The following SPAG17 variants were observed in gnomAD, a reference collection of about 807,000 sequenced individuals.
SPAG17 encodes sperm associated antigen 17.
A neutral mutation model predicts 273.6 loss-of-function variants in SPAG17; 169 were observed. That is an observed-to-expected ratio of 0.62 (90% CI 0.55 to 0.70). The LOEUF (loss-of-function observed/expected upper bound fraction) is 0.70, where lower values mean the gene tolerates loss of function less well. SPAG17 is among the 30% of genes least tolerant of loss of function. The pLI is 0.00. For synonymous variants in SPAG17, 825 were observed against 873.2 expected (o/e 0.94, Z 0.97); for missense variants, 2,557 against 2,627.8 (o/e 0.97, Z 0.59).
chr1:118,096,530 A>C (rs185688444), intron 7 of SPAG17, among the ~76,000 whole-genome samples: 25 of 151,646 alleles, frequency 1.6e-4, no homozygotes, highest in African/African-American at 5.8e-4. Context: ...GGTATTCAAC[A>C]CTCCGAGGCC....
At chr1:118,034,352 T>C (rs376440230) in intron 24 of SPAG17, among the ~76,000 whole-genome samples, 3 of 152,226 alleles carry the variant, frequency 2.0e-5, no homozygotes, top group Non-Finnish European at 4.4e-5. Context: ...TACAGTCTAC[T>C]GTGGCTATAC....
At chr1:118,099,043 C>G (rs1655892357) in intron 6 of SPAG17, among the ~76,000 whole-genome samples, 1 of 152,112 alleles carries the variant, frequency 6.6e-6, no homozygotes, top group Non-Finnish European at 1.5e-5. Context: ...TGCTTCCCTT[C>G]AACAGAAGTC....
At chr1:118,079,956 A>C (rs1191661924) in intron 15 of SPAG17, among the ~76,000 whole-genome samples, 1 of 152,250 alleles carries the variant, frequency 6.6e-6, no homozygotes, top group Admixed American at 6.5e-5. Flanking sequence ...ATATGTTAAA[A>C]TAAACCTATA....
Position 118,031,812 on chromosome 1 carries a change from T to C in SPAG17, c.3489A>G (p.Pro1163=). ...CGGTCACTATAACAGGAACCACTGT[T>C]GGAGTGAGTGCTGAAGGGATATTCA... ...TILNIPSALT[P]TVVPVIVTVP... Residue 1163 remains proline (P), a synonymous_variant, in exon 25 of 49, where the codon CCA becomes CCG. Transcript: ENST00000336338. 1 of 1,613,786 alleles carries C rather than the reference T, an allele frequency of 6.2e-7. No individual in the cohort carries two copies. The highest frequency in any genetic ancestry group is 1.1e-5 in the South Asian group (1 of 91,052).
intron 34 of SPAG17, among the ~76,000 whole-genome samples, chr1:117,994,906 CA>C (rs1312908641): frequency 6.6e-6 from 1 of 152,058 alleles, no homozygotes; most frequent in East Asian, 1.9e-4. Flanking sequence ...CTGGTTTTGC[CA>C]CCTATATATA....
intron 48 of SPAG17, chr1:117,959,167 A>G (rs1400819641): frequency 7.3e-7 from 1 of 1,378,852 alleles, no homozygotes; most frequent in Non-Finnish European, 9.8e-7. Flanking sequence ...ACAAACAAGA[A>G]AAGTTCTTAA....
At position 118,005,655 on chromosome 1, in the gene SPAG17, T is replaced by C. The variant is rs1658803294; in HGVS notation, c.4588-53A>G. 9.9e-6 allele frequency: 13 copies of C among 1,315,456 alleles called. 1 individual carries two copies. In the Admixed American group the frequency reaches 4.1e-4, roughly 41 times the overall value. The allele number at this position is 1,315,456 out of a possible 1,614,324, so 81.5% of individuals were successfully genotyped here. On this transcript the variant is annotated intron_variant, in intron 31 of 48. Coordinates refer to ENST00000336338, the MANE Select transcript of SPAG17 (RefSeq NM_206996.4). ...TATTAAAATTTTCTTGTTAAATATG[T>C]GGGACTTGGAAAACCATTTTAGGAG...
chr1:118,111,923 G>A (rs1656785601), intron 4 of SPAG17, among the ~76,000 whole-genome samples: 1 of 152,016 alleles, frequency 6.6e-6, no homozygotes, highest in Admixed American at 6.6e-5. Flanking sequence ...GAAAAGATAT[G>A]CTTTCTAAAA....
rs138581446 is a variant in SPAG17 at position 118,086,680 on chromosome 1, G to C, written c.1602C>G (p.Tyr534Ter). 6.2e-7 allele frequency: 1 copy of C among 1,613,958 alleles called. No individual in the cohort carries two copies. Among genetic ancestry groups the C allele is most frequent in the East Asian group, 2.2e-5 (1 of 44,886 alleles). Residue 534 changes from tyrosine (Y) to a stop codon, truncating the protein, a stop_gained, in exon 12 of 49, where the codon TAC becomes TAG. Transcript: ENST00000336338. LOFTEE classifies it high-confidence loss of function. ...ACCTGATTATTATTACCTGTAGTGC[G>C]TACTTCTTGTGGGCGTGTGCATCAT... ...NYHDAHAHKK[Y>*]ALQDQKNFDP...
intron 22 of SPAG17, among the ~76,000 whole-genome samples, chr1:118,040,449 AC>A (rs1295358759): frequency 6.6e-6 from 1 of 151,822 alleles, no homozygotes; most frequent in Non-Finnish European, 1.5e-5. Context: ...TATTGCAGTT[AC>A]TATTACTATT....
At position 117,996,437 on chromosome 1, in the gene SPAG17, T is replaced by G. The variant is rs772162727; in HGVS notation, c.4986A>C (p.Glu1662Asp). The change falls in exon 34 of 49, where the codon GAA becomes GAC. Residue 1662 changes from glutamate (E) to aspartate (D), a missense_variant. Transcript: ENST00000336338. Reference sequence around the variant, plus strand: ...ATTCTTTATATGCCAAAGATAGATATTCTTCTATGTCACTGTCTCGAAGAA... The same window carrying G: ...ATTCTTTATATGCCAAAGATAGATAGTCTTCTATGTCACTGTCTCGAAGAA... ...MELLRDSDIE[E>D]YLSLAYKESN... The G allele has an allele frequency of 3.7e-6, 6 of 1,613,014 alleles. No homozygotes were observed. The highest frequency in any genetic ancestry group is 4.2e-6 in the Non-Finnish European group (5 of 1,179,430).
rs1659547196 is a variant in SPAG17 at position 118,012,211 on chromosome 1, C to G, written c.4432+17G>C. The G allele has an allele frequency of 3.1e-6, 5 of 1,607,818 alleles. No homozygotes were observed. The highest frequency in any genetic ancestry group is 2.6e-6 in the Non-Finnish European group (3 of 1,175,340). Reference sequence around the variant, plus strand: ...GAGTTATAAAATATTGTCATGTACTCAGAAAATAAAACATACTTGTTTCTT... The same window carrying G: ...GAGTTATAAAATATTGTCATGTACTGAGAAAATAAAACATACTTGTTTCTT... On this transcript the variant is annotated intron_variant, in intron 30 of 48. Transcript: ENST00000336338.
At chr1:117,999,121 T>C (rs1433972351) in intron 32 of SPAG17, among the ~76,000 whole-genome samples, 1 of 152,138 alleles carries the variant, frequency 6.6e-6, no homozygotes, top group Admixed American at 6.5e-5. Flanking sequence ...GAGAATGATG[T>C]TTCCAGTTTC....
rs112542201 is a variant in SPAG17, at chr1:118,086,000, G to C, written c.1684C>G (p.Gln562Glu). ...QSKLPLWEFL[Q>E]FPLPPPWNNT... is the part of the protein sequence containing the mutation. ...TTCCATGGTGGGGGTAGAGGGAATTGAAGAAATTCCCACAGTGGCAACTTG... is the reference window on the plus strand; with the variant it reads ...TTCCATGGTGGGGGTAGAGGGAATTCAAGAAATTCCCACAGTGGCAACTTG... Residue 562 changes from glutamine to glutamate, a missense_variant, in exon 13 of 49, where the codon CAA becomes GAA. Coordinates refer to ENST00000336338, the MANE Select transcript of SPAG17 (RefSeq NM_206996.4). 6,433 of 1,613,616 alleles carry C rather than the reference G, an allele frequency of 4.0e-3. 72 individuals carry two copies. Among genetic ancestry groups the C allele is most frequent in the African/African-American group, 0.03 (2,284 of 75,006 alleles).
At chr1:118,023,005 A>G (rs1209596625) in intron 28 of SPAG17, among the ~76,000 whole-genome samples, 6 of 152,156 alleles carry the variant, frequency 3.9e-5, no homozygotes, top group Non-Finnish European at 8.8e-5. Context: ...CATAATCTTG[A>G]CATTACCAAT....
At chr1:118,095,267 T>A (rs1352585144) in intron 7 of SPAG17, among the ~76,000 whole-genome samples, 1 of 152,200 alleles carries the variant, frequency 6.6e-6, no homozygotes, top group Non-Finnish European at 1.5e-5. Flanking sequence ...TATACCACAG[T>A]GTTCACATCT....
rs570004747 is a variant in SPAG17, at chr1:117,991,292, T to C, written c.5475+123A>G. 5.5e-6 allele frequency: 3 copies of C among 547,358 alleles called. No individual in the cohort carries two copies. The Admixed American group carries it at 1.2e-4, about 21-fold the overall frequency. 33.9% of individuals were successfully genotyped at this position (547,358 alleles called of 1,614,324 possible). A position where few individuals can be genotyped will look rare whatever the true frequency, so the allele number is the denominator to read the frequency against. On this transcript the variant is annotated intron_variant, in intron 37 of 48. Transcript: ENST00000336338. ...ATGGATTTCCACAAAAATTGAAAATTATGAGGAGGGAGCAAATGCTTCATG... is the reference window on the plus strand; with the variant it reads ...ATGGATTTCCACAAAAATTGAAAATCATGAGGAGGGAGCAAATGCTTCATG...
At chr1:118,076,302 T>C (rs1654085330) in intron 15 of SPAG17, 1 of 152,118 alleles carries the variant, frequency 6.6e-6, no homozygotes, top group Admixed American at 6.6e-5. Context: ...CAGGCCAGTG[T>C]TTTTCTTTCT....
At chr1:118,080,652 A>G (rs907469643) in intron 15 of SPAG17, among the ~76,000 whole-genome samples, 4 of 152,212 alleles carry the variant, frequency 2.6e-5, no homozygotes, top group African/African-American at 9.6e-5. Flanking sequence ...CTCCTCATAT[A>G]GCACTAATAT....
Sources: allele counts gnomAD v4.1 joint callset (sites outside exome capture counted in the v4.1 genomes callset), GRCh38; gene constraint gnomAD v4.1.1; transcripts MANE v1.5; gene names NCBI Gene and HGNC (gene_info 2026-07-23, HGNC 2026-07-21).